Variants in EYS observed in about 807,000 individuals in gnomAD.
The protein encoded by EYS is protein eyes shut homolog.
A neutral mutation model predicts 282.1 loss-of-function variants in EYS; 250 were observed. The observed-to-expected ratio is 0.89, with a 90% CI of 0.80 to 0.98. EYS has a LOEUF of 0.98. Ranked by LOEUF, EYS falls within the 50% of genes least tolerant of loss-of-function variation. The pLI, the probability that EYS is intolerant of heterozygous loss-of-function variation, is 0.00. For missense variants in EYS, 4,016 were observed against 3,709.0 expected (o/e 1.08, Z -2.15); for synonymous variants, 1,355 against 1,282.9 (o/e 1.06, Z -1.20).
intron 2 of EYS, among the ~76,000 whole-genome samples, chr6:65,618,515 C>G (rs1461127101): frequency 2.6e-5 from 4 of 152,160 alleles, no homozygotes; most frequent in Non-Finnish European, 4.4e-5. Flanking sequence ...CTTGTTCACT[C>G]TGATGGTAGT....
chr6:63,881,408 G>T (rs1177523914), intron 35 of EYS, among the ~76,000 whole-genome samples: 2 of 152,160 alleles, frequency 1.3e-5, no homozygotes, highest in Non-Finnish European at 2.9e-5. Flanking sequence ...ATCTCTGAAT[G>T]CCAGAGGGAA....
intron 5 of EYS, among the ~76,000 whole-genome samples, chr6:65,454,139 G>A (rs956024742): frequency 7.0e-6 from 1 of 142,836 alleles, no homozygotes; most frequent in East Asian, 2.1e-4. Context: ...ATTACAATGT[G>A]TGTAAGTGTT....
chr6:64,409,679 G>A (rs1469835175), intron 28 of EYS, among the ~76,000 whole-genome samples: 2 of 152,104 alleles, frequency 1.3e-5, no homozygotes, highest in Non-Finnish European at 1.5e-5. Flanking sequence ...GCATTGGCTT[G>A]TTTCAGAAAG....
chr6:64,475,678 T>C (rs1402546459), intron 26 of EYS, among the ~76,000 whole-genome samples: 3 of 152,132 alleles, frequency 2.0e-5, no homozygotes, highest in Non-Finnish European at 4.4e-5. Context: ...ATTCTTGCTC[T>C]ATTAAAAAAG....
At chr6:64,825,612 G>A (rs1443837683) in intron 19 of EYS, among the ~76,000 whole-genome samples, 1 of 151,876 alleles carries the variant, frequency 6.6e-6, no homozygotes, top group Non-Finnish European at 1.5e-5. Flanking sequence ...TTGCGAAGGT[G>A]AGAGTCAGAA....
At chr6:63,967,253 T>G (rs1373572096) in intron 35 of EYS, among the ~76,000 whole-genome samples, 1 of 152,190 alleles carries the variant, frequency 6.6e-6, no homozygotes, top group Non-Finnish European at 1.5e-5. Context: ...ATCATGTTAT[T>G]CAGGAGTGTC....
chr6:64,491,865 A>C (rs2150506276), intron 26 of EYS, among the ~76,000 whole-genome samples: 1 of 151,350 alleles, frequency 6.6e-6, no homozygotes, highest in East Asian at 1.9e-4. Context: ...AATAAGATAA[A>C]CATTAATAAT....
At chr6:64,494,125 T>C (rs1776819224) in intron 26 of EYS, among the ~76,000 whole-genome samples, 1 of 151,586 alleles carries the variant, frequency 6.6e-6, no homozygotes, top group Non-Finnish European at 1.5e-5. Flanking sequence ...ATGTGTAAAA[T>C]TCAACTTCTG....
intron 12 of EYS, among the ~76,000 whole-genome samples, chr6:65,113,668 T>C (rs971997492): frequency 1.3e-5 from 2 of 151,768 alleles, no homozygotes; most frequent in African/African-American, 2.4e-5. Context: ...CGAATTCTTA[T>C]ATTGTTGAAT....
At chr6:63,721,898 A>T (rs1768412072) in intron 42 of EYS, 101 bp from the exon 43 acceptor site, 1 of 1,086,930 alleles carries the variant, frequency 9.2e-7, no homozygotes, top group African/African-American at 1.6e-5. Flanking sequence ...AGTTATGGGG[A>T]AAAAAGTAAC....
intron 12 of EYS, among the ~76,000 whole-genome samples, chr6:65,067,601 GTAATT>G (rs1187975587): frequency 6.6e-5 from 10 of 152,054 alleles, no homozygotes; most frequent in Admixed American, 2.6e-4. Flanking sequence ...ATTCTTATAC[GTAATT>G]ATTAACTAGA....
At chr6:65,489,765 C>A (rs1266390266) in intron 5 of EYS, 1 of 152,018 alleles carries the variant, frequency 6.6e-6, no homozygotes, top group Non-Finnish European at 1.5e-5. Flanking sequence ...GAAAATGTGG[C>A]ACATATACAC....
At chr6:64,095,114 A>C (rs1169452281) in intron 31 of EYS, among the ~76,000 whole-genome samples, 1 of 152,152 alleles carries the variant, frequency 6.6e-6, no homozygotes, top group Non-Finnish European at 1.5e-5. Context: ...CTGTGGTCTG[A>C]GAGACAGTTT....
chr6:65,142,310 CA>C (rs59297527), intron 12 of EYS, among the ~76,000 whole-genome samples: 38,761 of 151,444 alleles, frequency 0.26, 5,233 homozygotes, highest in African/African-American at 0.34. Context: ...ATGGTTAAGA[CA>C]ATTACATTAT....
At position 64,516,585 on chromosome 6, in the gene EYS, TGA is replaced by T. The variant is rs1176552643; in HGVS notation, c.5644+73636_5644+73637del. On this transcript the variant is annotated intron_variant, in intron 26 of 42. Transcript: ENST00000503581. The stretch of plus-strand genomic sequence containing the variant: ...TAAAATTACATACTTCACTTGAAGT[TGA>T]GTCTGAAGTTGAGTCAGTCCTAGAA... Among the ~76,000 whole-genome samples, 247 of 74,740 alleles carry T rather than the reference TGA, an allele frequency of 3.3e-3. 4 individuals are homozygous for T. In the East Asian group the frequency reaches 0.11, roughly 35 times the overall value. The allele number at this position is 74,740 out of a possible 152,430, so 49.0% of individuals were successfully genotyped here.
chr6:65,260,240 G>A (rs1767585716), intron 12 of EYS, among the ~76,000 whole-genome samples: 1 of 151,980 alleles, frequency 6.6e-6, no homozygotes, highest in South Asian at 2.1e-4. Context: ...CTGTCTTTAT[G>A]ATGCAATTAC....
chr6:65,607,300 C>T (rs1562284549), intron 2 of EYS, among the ~76,000 whole-genome samples: 2 of 151,616 alleles, frequency 1.3e-5, no homozygotes, highest in African/African-American at 4.8e-5. Flanking sequence ...ATTTATTTTC[C>T]TCTGTATTCA....
chr6:65,665,612 T>C (rs952864658), intron 1 of EYS, among the ~76,000 whole-genome samples: 4 of 152,122 alleles, frequency 2.6e-5, no homozygotes, highest in Non-Finnish European at 2.9e-5. Flanking sequence ...TTTGTAAATA[T>C]GCAGTCTCCT....
chr6:64,707,106 T>TACACACAC (rs541099764), intron 22 of EYS, among the ~76,000 whole-genome samples: 1 of 112,618 alleles, frequency 8.9e-6, no homozygotes, highest in East Asian at 2.2e-4. Context: ...TATATATGCA[T>TACACACAC]ACACACACAC....
Sources: gnomAD v4.1 joint callset for allele counts (sites outside exome capture counted in the v4.1 genomes callset) on GRCh38, gnomAD v4.1.1 for gene constraint, MANE v1.5 for transcripts, NCBI Gene and HGNC (gene_info 2026-07-23, HGNC 2026-07-21) for gene names.